The following TOX2 variants were observed in gnomAD, a reference collection of about 807,000 sequenced individuals.
The protein encoded by TOX2 is granulosa cell HMG box 1.
A neutral mutation model predicts 47.4 loss-of-function variants in TOX2; 15 were observed. The observed-to-expected ratio is 0.32, with a 90% CI of 0.21 to 0.49. The LOEUF (loss-of-function observed/expected upper bound fraction) is 0.49, where lower values mean the gene tolerates loss of function less well. Among genes scored for constraint, TOX2 ranks in the 20% least tolerant of loss-of-function variants. The pLI, the probability that TOX2 is intolerant of heterozygous loss-of-function variation, is 0.99. For missense variants in TOX2, 622 were observed against 673.1 expected, an observed-to-expected ratio of 0.92 and a Z score of 0.84; for synonymous variants, 290 against 296.6, an observed-to-expected ratio of 0.98 and a Z score of 0.23.
intron 2 of TOX2, among the ~76,000 whole-genome samples, chr20:43,994,459 CAA>C (rs1555837275): frequency 3.6e-4 from 46 of 127,852 alleles, no homozygotes; most frequent in Admixed American, 6.3e-4. Flanking sequence ...ACCCTGTCTC[CAA>C]AAAAAAAAAA....
chr20:43,931,182 A>C (rs1216738159), intron 1 of TOX2, among the ~76,000 whole-genome samples: 2 of 152,190 alleles, frequency 1.3e-5, no homozygotes, highest in African/African-American at 2.4e-5. Flanking sequence ...TCTATTGCCC[A>C]GGCTGGAGTG....
intron 1 of TOX2, among the ~76,000 whole-genome samples, chr20:43,934,432 G>A (rs1416035661): frequency 6.6e-6 from 1 of 152,182 alleles, no homozygotes; most frequent in African/African-American, 2.4e-5. Context: ...GAGAGGTGAG[G>A]GCACTGGGCC....
chr20:44,068,866 C>T lies in TOX2; in HGVS notation c.*180C>T, dbSNP rs1249468399. The T allele has an allele frequency of 6.0e-6, 5 of 831,044 alleles. No homozygotes were observed. Among genetic ancestry groups the T allele is most frequent in the East Asian group, 2.7e-5 (1 of 37,230 alleles). The allele number at this position is 831,044 out of a possible 1,614,324, so 51.5% of individuals were successfully genotyped here. A position where few individuals can be genotyped will look rare whatever the true frequency, so the allele number is the denominator to read the frequency against. On this transcript the variant is annotated 3_prime_UTR_variant, in exon 9 of 9. Coordinates refer to ENST00000341197, the MANE Select transcript of TOX2 (RefSeq NM_001098797.2). ...CTCCCACCAGACTCTGCAGAGGCAGCCCACTGCCCACCACCAGCCCAAAGA... is the reference window on the plus strand; with the variant it reads ...CTCCCACCAGACTCTGCAGAGGCAGTCCACTGCCCACCACCAGCCCAAAGA...
chr20:43,984,060 G>A (rs930130212), intron 2 of TOX2, among the ~76,000 whole-genome samples: 5 of 152,168 alleles, frequency 3.3e-5, no homozygotes, highest in African/African-American at 1.2e-4. Context: ...TGAAGAGCTC[G>A]CGATTCATAT....
At chr20:43,986,113 G>A (rs1192703332) in intron 2 of TOX2, among the ~76,000 whole-genome samples, 1 of 152,176 alleles carries the variant, frequency 6.6e-6, no homozygotes, top group African/African-American at 2.4e-5. Flanking sequence ...CCTCAAGGGT[G>A]GGAAGTTTGT....
chr20:43,933,960 G>C (rs1014526677), intron 1 of TOX2, among the ~76,000 whole-genome samples: 1 of 152,072 alleles, frequency 6.6e-6, no homozygotes, highest in Non-Finnish European at 1.5e-5. Flanking sequence ...GGACTCTGCT[G>C]TGTCCCCTGG....
intron 1 of TOX2, among the ~76,000 whole-genome samples, chr20:43,923,341 A>G (rs970421347): frequency 1.4e-4 from 22 of 152,132 alleles, no homozygotes; most frequent in Non-Finnish European, 2.9e-4. Flanking sequence ...GGGAAAGTCT[A>G]ATGACTTGCA....
At chr20:44,042,402 C>T (rs1303088272) in intron 3 of TOX2, among the ~76,000 whole-genome samples, 2 of 152,176 alleles carry the variant, frequency 1.3e-5, no homozygotes, top group South Asian at 2.1e-4. Flanking sequence ...TTGAAAGCAG[C>T]GAGCAACACT....
intron 1 of TOX2, among the ~76,000 whole-genome samples, chr20:43,935,691 C>T (rs1037700456): frequency 6.6e-6 from 1 of 151,842 alleles, no homozygotes; most frequent in Admixed American, 6.6e-5. Flanking sequence ...TTTGGGAGGC[C>T]GAGGTGGGTG....
Position 44,054,394 on chromosome 20 carries a change from T to C in TOX2, c.747T>C (p.Pro249=). ...AGGACCCCAATGAGCCGCAGAAGCC[T>C]GTGTCGGCCTACGCACTCTTCTTCA... ...KKKDPNEPQK[P]VSAYALFFRD... The change falls in exon 5 of 9, where the codon CCT becomes CCC. Residue 249 remains proline, a synonymous_variant. Transcript: ENST00000341197. The C allele has an allele frequency of 6.2e-7, 1 of 1,611,890 alleles. No individual in the cohort carries two copies. The highest frequency in any genetic ancestry group is 8.5e-7 in the Non-Finnish European group (1 of 1,179,354).
intron 3 of TOX2, among the ~76,000 whole-genome samples, chr20:44,039,662 G>T (rs1267568007): frequency 6.6e-6 from 1 of 152,210 alleles, no homozygotes; most frequent in Non-Finnish European, 1.5e-5. Context: ...TACCTCTGTG[G>T]GCAACAGGAA....
At chr20:44,054,208 A>G in intron 4 of TOX2, 91 bp from the exon 5 acceptor site, 1 of 1,348,776 alleles carries the variant, frequency 7.4e-7, no homozygotes, top group Non-Finnish European at 1.0e-6. Context: ...GCAGGGCTGG[A>G]GAAGTGCAGC....
chr20:43,968,447 G>A (rs2069900034), intron 1 of TOX2, among the ~76,000 whole-genome samples: 2 of 152,156 alleles, frequency 1.3e-5, no homozygotes, highest in African/African-American at 4.8e-5. Flanking sequence ...GAAGCATGGT[G>A]TGCTTAGGTT....
chr20:44,004,774 A>G (rs1193872280), intron 2 of TOX2, among the ~76,000 whole-genome samples: 1 of 152,232 alleles, frequency 6.6e-6, no homozygotes, highest in East Asian at 1.9e-4. Flanking sequence ...AGTGACCTTC[A>G]CTATTTTAAC....
At chr20:43,969,239 G>A (rs553473649) in intron 1 of TOX2, among the ~76,000 whole-genome samples, 54 of 152,358 alleles carry the variant, frequency 3.5e-4, no homozygotes, top group African/African-American at 1.3e-3. Context: ...GTTGAACGCT[G>A]TGCTGCATGA....
At chr20:43,953,468 G>A (rs995471501) in intron 1 of TOX2, among the ~76,000 whole-genome samples, 6 of 152,176 alleles carry the variant, frequency 3.9e-5, no homozygotes, top group Admixed American at 2.0e-4. Context: ...CTCCCAACCC[G>A]CATGCTCCAA....
chr20:43,956,423 T>C (rs2069669529), intron 1 of TOX2, among the ~76,000 whole-genome samples: 1 of 152,076 alleles, frequency 6.6e-6, no homozygotes, highest in African/African-American at 2.4e-5. Context: ...TAGTTGGGCA[T>C]GGTGGCGCAT....
chr20:43,990,287 T>A (rs2070346753), intron 2 of TOX2, among the ~76,000 whole-genome samples: 4 of 152,214 alleles, frequency 2.6e-5, no homozygotes, highest in Admixed American at 6.5e-5. Flanking sequence ...ATATATTTTT[T>A]AAAAATTTTA....
intron 1 of TOX2, among the ~76,000 whole-genome samples, chr20:43,938,631 ACTTTACGGAGAGCCTCAGCT>A (rs1433152480): frequency 9.9e-5 from 15 of 152,108 alleles, no homozygotes; most frequent in Non-Finnish European, 1.8e-4. Flanking sequence ...TTAATATCCC[ACTTTACGGAGAGCCTCAGCT>A]CTTTACCCGG....
Sources: allele counts gnomAD v4.1 joint callset (sites outside exome capture counted in the v4.1 genomes callset), GRCh38; gene constraint gnomAD v4.1.1; transcripts MANE v1.5; gene names NCBI Gene and HGNC (gene_info 2026-07-23, HGNC 2026-07-21).